The following RANBP17 variants were observed in gnomAD, a reference collection of about 807,000 sequenced individuals.
RANBP17 encodes the protein ran-binding protein 17.
RANBP17 carries 158 observed loss-of-function variants against 141.2 expected under a neutral mutation model. The ratio of observed to expected loss-of-function variants is 1.12; its 90% confidence interval spans 0.98 to 1.28. RANBP17 has a LOEUF of 1.28. Ranked by LOEUF, RANBP17 falls within the 50% of genes most tolerant of loss-of-function variation. RANBP17 has a pLI of 0.00. For missense variants in RANBP17, 1,438 were observed against 1,290.7 expected, an observed-to-expected ratio of 1.11 and a Z score of -1.75; for synonymous variants, 430 against 450.0, an observed-to-expected ratio of 0.96 and a Z score of 0.56.
intron 14 of RANBP17, among the ~76,000 whole-genome samples, chr5:171,035,179 G>A (rs978329257): frequency 1.3e-5 from 2 of 152,096 alleles, no homozygotes; most frequent in African/African-American, 2.4e-5. Context: ...TAAATAAAGT[G>A]CAGGACAAGC....
chr5:170,966,120 A>G (rs1776541548), intron 13 of RANBP17, among the ~76,000 whole-genome samples: 1 of 152,038 alleles, frequency 6.6e-6, no homozygotes, highest in Admixed American at 6.6e-5. Flanking sequence ...AGGTACAAGG[A>G]GGAACTGGTA....
intron 14 of RANBP17, among the ~76,000 whole-genome samples, chr5:171,042,467 A>G (rs1404369681): frequency 5.9e-5 from 9 of 152,166 alleles, no homozygotes; most frequent in Non-Finnish European, 1.2e-4. Context: ...TCATGGCTAC[A>G]TTTAAATATG....
At chr5:171,008,740 G>C (rs1309923941) in intron 14 of RANBP17, among the ~76,000 whole-genome samples, 1 of 152,160 alleles carries the variant, frequency 6.6e-6, no homozygotes, top group African/African-American at 2.4e-5. Context: ...ATCAGTTAAG[G>C]CTATTTTCAT....
At chr5:171,050,901 A>T (rs542985760) in intron 14 of RANBP17, among the ~76,000 whole-genome samples, 57 of 152,118 alleles carry the variant, frequency 3.7e-4, no homozygotes, top group Non-Finnish European at 6.0e-4. Context: ...ATCTTTATTC[A>T]TGAAGGATGT....
At chr5:170,953,296 C>T (rs189757683) in intron 12 of RANBP17, among the ~76,000 whole-genome samples, 277 of 152,066 alleles carry the variant, frequency 1.8e-3, no homozygotes, top group Non-Finnish European at 3.2e-3. Flanking sequence ...TTGTTTTTTC[C>T]ATTTTACAAA....
At chr5:170,897,129 G>C (rs1282358785) in intron 5 of RANBP17, 4 of 827,500 alleles carry the variant, frequency 4.8e-6, no homozygotes, top group Non-Finnish European at 8.2e-6. Flanking sequence ...ATTCTGCAGG[G>C]ACCACTGAGA....
At chr5:171,218,855 A>C (rs111457691) in intron 21 of RANBP17, among the ~76,000 whole-genome samples, 1 of 151,898 alleles carries the variant, frequency 6.6e-6, no homozygotes, top group Non-Finnish European at 1.5e-5. Context: ...TCTTTATCCA[A>C]GTTGCCTTCT....
At chr5:170,963,383 C>G (rs760050068) in intron 13 of RANBP17, among the ~76,000 whole-genome samples, 2 of 152,146 alleles carry the variant, frequency 1.3e-5, no homozygotes, top group Non-Finnish European at 2.9e-5. Flanking sequence ...ATACCTGATT[C>G]AGGTAAGACC....
chr5:170,880,972 A>G (rs1014420809), intron 2 of RANBP17, among the ~76,000 whole-genome samples: 13 of 152,214 alleles, frequency 8.5e-5, no homozygotes, highest in Non-Finnish European at 1.6e-4. Context: ...TGTTTTAGCT[A>G]TTCAATTCTG....
At chr5:170,893,654 G>T (rs1038186402) in intron 4 of RANBP17, among the ~76,000 whole-genome samples, 1 of 151,988 alleles carries the variant, frequency 6.6e-6, no homozygotes, top group African/African-American at 2.4e-5. Flanking sequence ...TTAGCTGGGC[G>T]TGGTGGCGGG....
At chr5:170,968,880 G>A in intron 14 of RANBP17, 1 of 315,412 alleles carries the variant, frequency 3.2e-6, no homozygotes, top group Non-Finnish European at 6.1e-6. Flanking sequence ...TTTAGCATCA[G>A]TAAGTTAAGA....
rs146372293 is a variant in RANBP17 at position 171,037,670 on chromosome 5, T to C, written c.1710+69293T>C. On this transcript the variant is annotated intron_variant, in intron 14 of 27. Transcript: ENST00000523189. Reference sequence around the variant, plus strand: ...AACTATCCCAGAACCACTTATTCAATAGGAAGTCCTTTCCCGATTGCTTAG... The same window carrying C: ...AACTATCCCAGAACCACTTATTCAACAGGAAGTCCTTTCCCGATTGCTTAG... Among the ~76,000 whole-genome samples, 202 of 152,282 alleles carry C rather than the reference T, an allele frequency of 1.3e-3. 1 individual carries two copies. The highest frequency in any genetic ancestry group is 4.7e-3 in the African/African-American group (196 of 41,560).
chr5:171,098,748 T>G (rs1342495161), intron 14 of RANBP17, among the ~76,000 whole-genome samples: 3 of 152,360 alleles, frequency 2.0e-5, no homozygotes, highest in East Asian at 1.9e-4. Flanking sequence ...CTAGGTTTTC[T>G]TCTAGGGTTT....
intron 14 of RANBP17, among the ~76,000 whole-genome samples, chr5:170,980,899 C>T (rs546345034): frequency 6.7e-4 from 102 of 152,276 alleles, no homozygotes; most frequent in Non-Finnish European, 1.2e-3. Flanking sequence ...CACTGTTCAC[C>T]TGGAAAAGCC....
rs576119511 is a variant in RANBP17 at position 171,116,477 on chromosome 5, G to C, written c.1711-53653G>C. ...TGTAATGGCCAGAGTCCTGAGCACT[G>C]TCTTACTAGCCTGTTGATTTCTTTT... On this transcript the variant is annotated intron_variant, in intron 14 of 27. Coordinates refer to ENST00000523189, the MANE Select transcript of RANBP17 (RefSeq NM_022897.5). 8.5e-5 allele frequency among the ~76,000 whole-genome samples: 13 copies of C among 152,268 alleles called. No homozygotes were observed. In the South Asian group the frequency reaches 2.7e-3, roughly 32 times the overall value.
intron 18 of RANBP17, 47 bp downstream of exon 18, chr5:171,183,477 C>T (rs370871084): frequency 4.2e-5 from 54 of 1,275,980 alleles, no homozygotes; most frequent in Non-Finnish European, 5.9e-5. Flanking sequence ...CAGCAATACA[C>T]TTGTGTGAAT....
intron 16 of RANBP17, among the ~76,000 whole-genome samples, chr5:171,178,020 GTTT>G (rs200845643): frequency 2.1e-5 from 3 of 141,664 alleles, no homozygotes; most frequent in Admixed American, 7.1e-5. Flanking sequence ...TTTTTATGTG[GTTT>G]TTTTTTTTTT....
rs5873248 is a variant in RANBP17, at chr5:170,972,175, A to AT, written c.1710+3821dup. Among the ~76,000 whole-genome samples the AT allele has an allele frequency of 6.3e-3, 640 of 101,326 alleles. 1 individual carries two copies. Among genetic ancestry groups the AT allele is most frequent in the Non-Finnish European group, 8.7e-3 (449 of 51,476 alleles). The allele number at this position is 101,326 out of a possible 152,430, so 66.5% of individuals were successfully genotyped here. On this transcript the variant is annotated intron_variant, in intron 14 of 27. Coordinates refer to ENST00000523189, the MANE Select transcript of RANBP17 (RefSeq NM_022897.5). ...GTATTATGCAGTTTGGATCTTTAGG[A>AT]TTTTTTTTTTTTTTTTTTTTTTTGA...
chr5:170,969,630 T>C (rs1776845984), intron 14 of RANBP17, among the ~76,000 whole-genome samples: 1 of 150,942 alleles, frequency 6.6e-6, no homozygotes, highest in Non-Finnish European at 1.5e-5. Context: ...CAGTATAATA[T>C]GGAGTAGAAA....
Sources: allele counts gnomAD v4.1 joint callset (sites outside exome capture counted in the v4.1 genomes callset), GRCh38; gene constraint gnomAD v4.1.1; transcripts MANE v1.5; gene names NCBI Gene and HGNC (gene_info 2026-07-23, HGNC 2026-07-21).